ENTREP3: variants seen among roughly 807,000 people sequenced by gnomAD.
ENTREP3 encodes protein ENTREP3.
At chr1:155,255,177 G>A in the ENTREP3 span, 1 of 520,854 alleles carries the variant, frequency 1.9e-6, no homozygotes, top group African/African-American at 1.9e-5. The surrounding 1 kb of genome is among the most constrained non-coding windows in gnomAD (Gnocchi z 5.6). Flanking sequence ...GGGAAGAGGG[G>A]CACCGAGAAG....
the ENTREP3 span, chr1:155,253,344 A>T: frequency 2.5e-6 from 1 of 397,860 alleles, no homozygotes; most frequent in South Asian, 4.0e-5. Context: ...CGTGCCCAGC[A>T]TAGGACCTTC....
the ENTREP3 span, chr1:155,254,702 G>T: frequency 6.2e-7 from 1 of 1,611,978 alleles, no homozygotes. The surrounding 1 kb of genome is among the most constrained non-coding windows in gnomAD (Gnocchi z 4.4). Context: ...CTCGGTGGTG[G>T]TGACGGAAGA....
chr1:155,247,854 G>T, the ENTREP3 span: 2 of 1,507,166 alleles, frequency 1.3e-6, no homozygotes, highest in Non-Finnish European at 1.8e-6. Context: ...CCAGCCTGCG[G>T]CCAGACAGGA....
the ENTREP3 span, chr1:155,255,296 CGTGGGGTGACTCTAGAGGCGCGGTCGGT>C: frequency 4.5e-6 from 1 of 220,192 alleles, no homozygotes; most frequent in South Asian, 6.7e-5. This position sits in a 1 kb window ranked among gnomAD's most constrained non-coding sequence, Gnocchi z 5.6. Flanking sequence ...GAGGGGTCGG[CGTGGGGTGACTCTAGAGGCGCGGTCGGT>C]GTGCCCTCAG....
chr1:155,248,047 T>C, the ENTREP3 span: 5 of 1,614,110 alleles, frequency 3.1e-6, no homozygotes, highest in African/African-American at 6.7e-5. Flanking sequence ...CCCGAATTCC[T>C]ACCTGCTTAT....
chr1:155,254,017 A>T, the ENTREP3 span: 1 of 1,613,088 alleles, frequency 6.2e-7, no homozygotes, highest in Non-Finnish European at 8.5e-7. The surrounding 1 kb of genome is among the most constrained non-coding windows in gnomAD (Gnocchi z 4.4). Context: ...CTGAGTCAGG[A>T]CAAACTGAGG....
the ENTREP3 span, chr1:155,252,681 A>T: frequency 0.45 from 35,369 of 78,816 alleles, 7,614 homozygotes; most frequent in East Asian, 0.73. Flanking sequence ...AATTTTTGTA[A>T]TTTTGTGTGT....
the ENTREP3 span, among the ~76,000 whole-genome samples, chr1:155,249,809 C>T: frequency 6.6e-6 from 1 of 151,612 alleles, no homozygotes; most frequent in Non-Finnish European, 1.5e-5. Context: ...TGGCGTGAAC[C>T]CGGGAGGCGG....
chr1:155,247,446 C>T, the ENTREP3 span: 3 of 586,072 alleles, frequency 5.1e-6, no homozygotes, highest in Non-Finnish European at 9.6e-6. Flanking sequence ...AACACCTGGG[C>T]CATGCCTTTG....
At chr1:155,254,781 C>T in the ENTREP3 span, 5 of 1,613,762 alleles carry the variant, frequency 3.1e-6, no homozygotes, top group East Asian at 1.1e-4. The surrounding 1 kb of genome is among the most constrained non-coding windows in gnomAD (Gnocchi z 4.4). Context: ...GTAAGCAGGG[C>T]CTGCAGCCAG....
At chr1:155,253,793 T>C in the ENTREP3 span, 14 of 1,609,784 alleles carry the variant, frequency 8.7e-6, no homozygotes, top group Admixed American at 3.4e-5. Context: ...ATTATGGGCC[T>C]GTGAGTACCC....
the ENTREP3 span, chr1:155,254,954 G>A: frequency 2.5e-6 from 3 of 1,189,566 alleles, no homozygotes; most frequent in South Asian, 1.3e-5. This position sits in a 1 kb window ranked among gnomAD's most constrained non-coding sequence, Gnocchi z 4.4. Flanking sequence ...CCAAGGCCCC[G>A]TCCTTTCTCC....
the ENTREP3 span, chr1:155,248,523 G>A: frequency 6.5e-7 from 1 of 1,536,414 alleles, no homozygotes. Flanking sequence ...AGTGTTCTGT[G>A]GACACGCCCA....
At chr1:155,250,873 T>C in the ENTREP3 span, 1 of 1,508,492 alleles carries the variant, frequency 6.6e-7, no homozygotes, top group Non-Finnish European at 8.9e-7. This position sits in a 1 kb window ranked among gnomAD's most constrained non-coding sequence, Gnocchi z 5.4. Flanking sequence ...GGCCTAGCCC[T>C]GCCCAGGCAG....
chr1:155,255,363 G>T, the ENTREP3 span: 1 of 160,150 alleles, frequency 6.2e-6, no homozygotes, highest in Non-Finnish European at 1.4e-5. This position sits in a 1 kb window ranked among gnomAD's most constrained non-coding sequence, Gnocchi z 5.6. Context: ...GGGCCGCCTG[G>T]TGGGGAGAGG....
chr1:155,247,939 C>G, the ENTREP3 span: 12 of 1,601,536 alleles, frequency 7.5e-6, no homozygotes, highest in Non-Finnish European at 1.0e-5. Flanking sequence ...AGGCCGGCCC[C>G]ACAGGCTCCG....
chr1:155,248,014 T>C, the ENTREP3 span: 1 of 1,613,788 alleles, frequency 6.2e-7, no homozygotes, highest in Non-Finnish European at 8.5e-7. Context: ...GCTCCACGCT[T>C]TCCCAAACAT....
the ENTREP3 span, chr1:155,252,722 ATTTTTTTTT>A: frequency 1.5e-4 from 2 of 13,204 alleles, no homozygotes; most frequent in African/African-American, 8.3e-4. Context: ...ATATATATAT[ATTTTTTTTT>A]TTTTTTTTTT....
chr1:155,250,518 TGGCAGCTGCG>T, the ENTREP3 span: 24 of 1,517,924 alleles, frequency 1.6e-5, no homozygotes, highest in Non-Finnish European at 1.9e-5. The surrounding 1 kb of genome is among the most constrained non-coding windows in gnomAD (Gnocchi z 5.4). Context: ...CTCCAACCGG[TGGCAGCTGCG>T]GGCAGCTGTG....
Sources: gnomAD v4.1 joint callset for allele counts (sites outside exome capture counted in the v4.1 genomes callset) on GRCh38, gnomAD v4.1.1 for gene constraint, Gnocchi (gnomAD v3.1) non-coding constraint, MANE v1.5 for transcripts, NCBI Gene and HGNC (gene_info 2026-07-23, HGNC 2026-07-21) for gene names.